Variants in COG4 observed in about 807,000 individuals in gnomAD.
COG4 encodes the protein component of oligomeric golgi complex 4.
A neutral mutation model predicts 95.1 loss-of-function variants in COG4; 65 were observed. The observed-to-expected ratio is 0.68, with a 90% CI of 0.56 to 0.84. The LOEUF is 0.84. Ranked by LOEUF, COG4 falls within the 40% of genes least tolerant of loss-of-function variation. The probability of loss-of-function intolerance (pLI) is 0.00; values close to 1 mark genes in which losing one functional copy is unlikely to be tolerated. For missense variants in COG4, 1,045 were observed against 989.1 expected (o/e 1.06, Z -0.76); for synonymous variants, 421 against 374.8 (o/e 1.12, Z -1.42).
intron 12 of COG4, among the ~76,000 whole-genome samples, chr16:70,492,677 G>A (rs1416207208): frequency 2.1e-5 from 3 of 144,498 alleles, no homozygotes; most frequent in African/African-American, 2.5e-5. Context: ...AAAAAAAAAA[G>A]GTAGCATGGG....
At chr16:70,495,397 CA>C (rs11382671) in intron 12 of COG4, among the ~76,000 whole-genome samples, 225 of 111,250 alleles carry the variant, frequency 2.0e-3, no homozygotes, top group Middle Eastern at 4.8e-3. Flanking sequence ...GACTCCATCT[CA>C]AAAAAAAAAA....
intron 5 of COG4, among the ~76,000 whole-genome samples, chr16:70,510,494 T>C (rs1304914189): frequency 6.6e-6 from 1 of 152,090 alleles, no homozygotes; most frequent in Non-Finnish European, 1.5e-5. Context: ...GGCTAATTTT[T>C]TAAAAATTTC....
intron 12 of COG4, among the ~76,000 whole-genome samples, chr16:70,495,947 C>T (rs2049331396): frequency 6.6e-6 from 1 of 152,224 alleles, no homozygotes; most frequent in Admixed American, 6.5e-5. Flanking sequence ...GATGGTAGAG[C>T]TGGTTCTGTG....
intron 3 of COG4, among the ~76,000 whole-genome samples, chr16:70,516,513 G>A (rs887949080): frequency 1.1e-4 from 16 of 152,010 alleles, no homozygotes; most frequent in Non-Finnish European, 1.6e-4. Flanking sequence ...AGCCAGGATG[G>A]TCTCGATCTC....
rs753592053 is a variant in COG4 at position 70,500,984 on chromosome 16, G to A, written c.1169C>T (p.Ser390Phe). 9 of 1,613,982 alleles carry A rather than the reference G, an allele frequency of 5.6e-6. No individual in the cohort carries two copies. Among genetic ancestry groups the A allele is most frequent in the Middle Eastern group, 1.6e-4 (1 of 6,082 alleles). The change falls in exon 9 of 19, where the codon TCC becomes TTC. Residue 390 changes from serine (S) to phenylalanine (F), a missense_variant. Ser to Phe is a radical substitution (Grantham distance 155, BLOSUM62 -2). Transcript: ENST00000323786. The part of the protein sequence containing the change: ...RISSDFEVGD[S>F]MASEEVKQEH... Reference sequence around the variant, plus strand: ...TTGCTTTACTTCCTCTGAGGCCATGGAGTCTCCCACCTCAAAATCAGAGCT... The same window carrying A: ...TTGCTTTACTTCCTCTGAGGCCATGAAGTCTCCCACCTCAAAATCAGAGCT...
At chr16:70,503,222 T>C (rs1198617761) in intron 8 of COG4, among the ~76,000 whole-genome samples, 1 of 152,148 alleles carries the variant, frequency 6.6e-6, no homozygotes, top group East Asian at 1.9e-4. Flanking sequence ...TGGCTAATTT[T>C]TGTATTTTTG....
intron 5 of COG4, 124 bp downstream of exon 5, chr16:70,512,115 A>C (rs1047339533): frequency 2.2e-6 from 2 of 899,428 alleles, no homozygotes. Flanking sequence ...GCTACACAGC[A>C]AGGGCAGGAA....
chr16:70,523,252 T>C, intron 1 of COG4, 121 bp downstream of exon 1: 1 of 1,279,222 alleles, frequency 7.8e-7, no homozygotes, highest in Non-Finnish European at 1.1e-6. Context: ...CTTCCGCTTC[T>C]TTGTTTTCCC....
At chr16:70,515,313 C>T (rs1291258446) in intron 3 of COG4, among the ~76,000 whole-genome samples, 2 of 152,140 alleles carry the variant, frequency 1.3e-5, no homozygotes, top group African/African-American at 4.8e-5. Context: ...TAAGCCAGCA[C>T]GCCTGGCCTA....
chr16:70,484,348 G>A (rs1256882492), intron 13 of COG4, among the ~76,000 whole-genome samples: 1 of 152,210 alleles, frequency 6.6e-6, no homozygotes, highest in East Asian at 1.9e-4. Context: ...TGCTCCTCAT[G>A]TATGAGATGA....
At position 70,516,824 on chromosome 16, in the gene COG4, C is replaced by T. The variant is rs151068043; in HGVS notation, c.369+802G>A. On this transcript the variant is annotated intron_variant, in intron 3 of 18. Transcript: ENST00000323786. Reference sequence around the variant, plus strand: ...TGCAACTCAGGCTGGAGTACAGTGGCATGACCTTGGCTCACTGCAATCTCT... The same window carrying T: ...TGCAACTCAGGCTGGAGTACAGTGGTATGACCTTGGCTCACTGCAATCTCT... Among the ~76,000 whole-genome samples, 167 of 152,208 alleles carry T rather than the reference C, an allele frequency of 1.1e-3. 1 individual carries two copies. The highest frequency in any genetic ancestry group is 3.4e-3 in the Middle Eastern group (1 of 294).
chr16:70,487,388 G>A (rs985671757), intron 13 of COG4, among the ~76,000 whole-genome samples: 16 of 152,060 alleles, frequency 1.1e-4, no homozygotes, highest in African/African-American at 3.9e-4. Flanking sequence ...CTTGAGGCCA[G>A]GAGTTCGAGA....
intron 1 of COG4, among the ~76,000 whole-genome samples, chr16:70,520,169 C>T (rs1053342982): frequency 2.6e-5 from 4 of 152,038 alleles, no homozygotes; most frequent in African/African-American, 4.8e-5. Flanking sequence ...GGCGCGGCGG[C>T]TTACGTCGGT....
chr16:70,501,081 G>T lies in COG4; in HGVS notation c.1072C>A (p.Pro358Thr), dbSNP rs573621071. 1.7e-4 allele frequency: 272 copies of T among 1,613,402 alleles called. 4 individuals carry two copies. The South Asian group carries it at 2.7e-3, about 16-fold the overall frequency. Reference sequence around the variant, plus strand: ...ATCAGGGTGACCTCAGTCAGGATGGGGTCCAGTTCTCTGAGACACATGGAG... The same window carrying T: ...ATCAGGGTGACCTCAGTCAGGATGGTGTCCAGTTCTCTGAGACACATGGAG... Reference protein sequence around the residue: ...TEKIEPRELDPILTEVTLMNA... With the variant: ...TEKIEPRELDTILTEVTLMNA... Residue 358 changes from proline to threonine, a missense_variant, in exon 9 of 19, where the codon CCC becomes ACC. By Grantham distance (38) the Pro-to-Thr change is conservative. Coordinates refer to ENST00000323786, the MANE Select transcript of COG4 (RefSeq NM_015386.3).
In COG4 at chr16:70,523,375, C is replaced by T. The variant is rs766223662; in HGVS notation, c.169G>A (p.Glu57Lys). The T allele has an allele frequency of 2.6e-5, 42 of 1,614,042 alleles. No individual in the cohort carries two copies. In the Admixed American group the frequency reaches 2.7e-4, roughly 10 times the overall value. Residue 57 changes from glutamate to lysine, a missense_variant and splice_region_variant, in exon 1 of 19, where the codon GAG becomes AAG. Glu to Lys is a moderately conservative substitution (Grantham distance 56). Coordinates refer to ENST00000323786, the MANE Select transcript of COG4 (RefSeq NM_015386.3). ...EAVYERLCGE[E>K]KVVERELDAL... Reference sequence around the variant, plus strand: ...AAAGAAGAGGCTCGACCCCGCACCTCCTCGCCGCAGAGCCGTTCGTATACA... The same window carrying T: ...AAAGAAGAGGCTCGACCCCGCACCTTCTCGCCGCAGAGCCGTTCGTATACA...
At chr16:70,520,626 C>G (rs994756896) in intron 1 of COG4, among the ~76,000 whole-genome samples, 1 of 150,062 alleles carries the variant, frequency 6.7e-6, no homozygotes, top group Non-Finnish European at 1.5e-5. Flanking sequence ...GAGTGAAACG[C>G]TGTCTCAAAA....
At chr16:70,481,659 C>G (rs967897118) in intron 17 of COG4, 105 bp downstream of exon 17, 7 of 1,340,928 alleles carry the variant, frequency 5.2e-6, no homozygotes, top group African/African-American at 1.4e-5. Flanking sequence ...CATGCAGGGC[C>G]TGTGGGCAGC....
At chr16:70,515,027 T>TC (rs1044476007) in intron 3 of COG4, among the ~76,000 whole-genome samples, 9 of 150,492 alleles carry the variant, frequency 6.0e-5, no homozygotes, top group African/African-American at 2.2e-4. Flanking sequence ...TTTTTTTTTT[T>TC]CTTCTTGAGA....
At position 70,496,114 on chromosome 16, in the gene COG4, T is replaced by A. The variant is rs190860164; in HGVS notation, c.1647+152A>T. 16 of 818,276 alleles carry A rather than the reference T, an allele frequency of 2.0e-5. No homozygotes were observed. In the Admixed American group the frequency reaches 3.3e-4, roughly 17 times the overall value. The allele number at this position is 818,276 out of a possible 1,614,324, so 50.7% of individuals were successfully genotyped here. On this transcript the variant is annotated intron_variant, in intron 12 of 18. Transcript: ENST00000323786. Reference sequence around the variant, plus strand: ...AGTAAGAAATAGTTTCAGAACCTTCTGGGAGGAAATTCCCTTAAAGGAGGA... The same window carrying A: ...AGTAAGAAATAGTTTCAGAACCTTCAGGGAGGAAATTCCCTTAAAGGAGGA...
Sources: allele counts gnomAD v4.1 joint callset (sites outside exome capture counted in the v4.1 genomes callset), GRCh38; gene constraint gnomAD v4.1.1; transcripts MANE v1.5; gene names NCBI Gene and HGNC (gene_info 2026-07-23, HGNC 2026-07-21).